The following GPR139 variants were observed in gnomAD, a reference collection of about 807,000 sequenced individuals.
GPR139 encodes G protein-coupled receptor 139, also known as probable G protein-coupled receptor 139.
In GPR139, 12 loss-of-function variants were observed where a neutral mutation model predicts 25.8. That is an observed-to-expected ratio of 0.47 (90% CI 0.30 to 0.75). The LOEUF (loss-of-function observed/expected upper bound fraction) is 0.75. Ranked by LOEUF, GPR139 falls within the 30% of genes least tolerant of loss-of-function variation. GPR139 has a pLI of 0.07. For synonymous variants in GPR139, 184 were observed against 179.9 expected (o/e 1.02, Z -0.18); for missense variants, 380 against 450.2 (o/e 0.84, Z 1.41).
At chr16:20,063,624 A>G (rs948665160) in intron 1 of GPR139, among the ~76,000 whole-genome samples, 5 of 152,236 alleles carry the variant, frequency 3.3e-5, no homozygotes, top group African/African-American at 7.2e-5. Flanking sequence ...AAAGAGATTC[A>G]ATGCTACAGA....
chr16:20,070,368 T>C (rs2057455474), intron 1 of GPR139, among the ~76,000 whole-genome samples: 1 of 152,212 alleles, frequency 6.6e-6, no homozygotes, highest in African/African-American at 2.4e-5. Context: ...GATGATCTTA[T>C]TTCATATATA....
chr16:20,059,070 T>C (rs1184374394), intron 1 of GPR139, among the ~76,000 whole-genome samples: 3 of 152,150 alleles, frequency 2.0e-5, no homozygotes, highest in Non-Finnish European at 4.4e-5. Context: ...GGTGTGAACA[T>C]GGCCTCTGAG....
chr16:20,057,663 C>A (rs1055846281), intron 1 of GPR139, among the ~76,000 whole-genome samples: 2 of 151,992 alleles, frequency 1.3e-5, no homozygotes, highest in Non-Finnish European at 2.9e-5. Context: ...GGCCCCCTAC[C>A]ATGTGCCAAG....
chr16:20,052,639 TA>T (rs1003709945), intron 1 of GPR139, among the ~76,000 whole-genome samples: 3 of 151,928 alleles, frequency 2.0e-5, no homozygotes. Context: ...CTCCTAAAAA[TA>T]CAACAAATTA....
At chr16:20,054,117 C>A (rs1443996551) in intron 1 of GPR139, among the ~76,000 whole-genome samples, 1 of 152,152 alleles carries the variant, frequency 6.6e-6, no homozygotes, top group East Asian at 1.9e-4. Flanking sequence ...GTACCTGACA[C>A]ACAGTAGGAA....
intron 1 of GPR139, among the ~76,000 whole-genome samples, chr16:20,060,347 CAT>C (rs2057408116): frequency 6.6e-6 from 1 of 151,348 alleles, no homozygotes; most frequent in African/African-American, 2.4e-5. Context: ...TCTGTGTGTG[CAT>C]CTCTATGTGT....
At chr16:20,042,225 GGT>G (rs1252337688) in intron 1 of GPR139, among the ~76,000 whole-genome samples, 1 of 152,132 alleles carries the variant, frequency 6.6e-6, no homozygotes, top group Non-Finnish European at 1.5e-5. Flanking sequence ...CACAGTTCCT[GGT>G]ACATAGTAAG....
At chr16:20,053,271 C>T (rs746339805) in intron 1 of GPR139, among the ~76,000 whole-genome samples, 5 of 152,210 alleles carry the variant, frequency 3.3e-5, no homozygotes, top group Admixed American at 6.5e-5. Context: ...AGAACTTGTG[C>T]CCACCGGCCT....
In GPR139 at chr16:20,035,894, G is replaced by A. The variant is rs146739338; in HGVS notation, c.128-3225C>T. Among the ~76,000 whole-genome samples the A allele has an allele frequency of 4.2e-3, 642 of 152,296 alleles. 7 individuals are homozygous for A. The highest frequency in any genetic ancestry group is 0.015 in the African/African-American group (605 of 41,548). On this transcript the variant is annotated intron_variant, in intron 1 of 1. Transcript: ENST00000570682. ...TTATTAAACAGCCTTGCTGTGTTCT[G>A]TTGAAAAGCATTTCAAAATGTTTTA...
rs753873919 is a variant in GPR139 at position 20,028,300 on chromosome 16, G to A, written c.*3435C>T. ...TATACATATATCAAAACATCACATT[G>A]TATCCCATAAATGTATACAATTATG... On this transcript the variant is annotated 3_prime_UTR_variant, in exon 2 of 2. Transcript: ENST00000570682. Among the ~76,000 whole-genome samples the A allele has an allele frequency of 1.9e-4, 29 of 151,982 alleles. No homozygotes were observed. The highest frequency in any genetic ancestry group is 7.9e-4 in the Admixed American group (12 of 15,258).
At chr16:20,044,497 A>G (rs1014366626) in intron 1 of GPR139, among the ~76,000 whole-genome samples, 8 of 152,194 alleles carry the variant, frequency 5.3e-5, no homozygotes, top group Admixed American at 1.3e-4. Flanking sequence ...CATCTAGGGA[A>G]GATGAGTAGG....
intron 1 of GPR139, among the ~76,000 whole-genome samples, chr16:20,062,723 T>C (rs1444145701): frequency 6.6e-6 from 1 of 152,262 alleles, no homozygotes; most frequent in Non-Finnish European, 1.5e-5. Context: ...GTGAGTCATA[T>C]ATACAATTAA....
At chr16:20,051,882 G>A (rs752847056) in intron 1 of GPR139, among the ~76,000 whole-genome samples, 2 of 152,188 alleles carry the variant, frequency 1.3e-5, no homozygotes, top group South Asian at 4.1e-4. Flanking sequence ...GGTAACGAAC[G>A]TGGGCGCTGG....
At chr16:20,051,076 G>A (rs60376736) in intron 1 of GPR139, among the ~76,000 whole-genome samples, 95 of 48,690 alleles carry the variant, frequency 2.0e-3, no homozygotes, top group East Asian at 6.8e-3. Context: ...AAAAAAAAAA[G>A]AAAGAAAGAA....
chr16:20,072,402 G>A (rs1038551886), intron 1 of GPR139, among the ~76,000 whole-genome samples: 1 of 152,194 alleles, frequency 6.6e-6, no homozygotes, highest in African/African-American at 2.4e-5. Context: ...AAGATGCTAA[G>A]GTTCGCAGAC....
intron 1 of GPR139, among the ~76,000 whole-genome samples, chr16:20,042,954 C>A (rs1180297807): frequency 1.3e-5 from 2 of 152,166 alleles, no homozygotes; most frequent in Non-Finnish European, 2.9e-5. Flanking sequence ...CAAGATGGAA[C>A]ACATGTTGTG....
At chr16:20,060,506 CA>C (rs1429219730) in intron 1 of GPR139, among the ~76,000 whole-genome samples, 1 of 151,956 alleles carries the variant, frequency 6.6e-6, no homozygotes, top group African/African-American at 2.4e-5. Flanking sequence ...TAGAGTCCCC[CA>C]GTTGAAATGA....
At chr16:20,051,044 C>T in intron 1 of GPR139, among the ~76,000 whole-genome samples, 1 of 103,662 alleles carries the variant, frequency 9.6e-6, no homozygotes, top group South Asian at 3.0e-4. Flanking sequence ...GCCTGGGCAA[C>T]AGAGCAAGAC....
chr16:20,041,239 AGG>A, intron 1 of GPR139, among the ~76,000 whole-genome samples: 1 of 5,686 alleles, frequency 1.8e-4, no homozygotes, highest in Admixed American at 2.1e-3. Context: ...AGGAGAGGAG[AGG>A]AGAGGAGAGG....
Sources: gnomAD v4.1 joint callset for allele counts (sites outside exome capture counted in the v4.1 genomes callset) on GRCh38, gnomAD v4.1.1 for gene constraint, MANE v1.5 for transcripts, NCBI Gene and HGNC (gene_info 2026-07-23, HGNC 2026-07-21) for gene names.